EPB41L3: variants seen among roughly 807,000 people sequenced by gnomAD.
EPB41L3 encodes band 4.1-like protein 3.
A neutral mutation model predicts 127.1 loss-of-function variants in EPB41L3; 57 were observed. The ratio of observed to expected loss-of-function variants is 0.45; its 90% CI spans 0.36 to 0.56. The LOEUF (loss-of-function observed/expected upper bound fraction) is 0.56, where lower values mean the gene tolerates loss of function less well. EPB41L3 is among the 20% of genes least tolerant of loss of function. EPB41L3 has a pLI of 0.00. For synonymous variants in EPB41L3, 572 were observed against 549.5 expected, an observed-to-expected ratio of 1.04 and a Z score of -0.57; for missense variants, 1,273 against 1,372.2, an observed-to-expected ratio of 0.93 and a Z score of 1.14.
At chr18:5,474,139 G>A (rs1420815309) in intron 3 of EPB41L3, among the ~76,000 whole-genome samples, 3 of 152,122 alleles carry the variant, frequency 2.0e-5, no homozygotes, top group South Asian at 2.1e-4. Context: ...GCTGAGGCAG[G>A]AGAATGGCGT....
At chr18:5,463,456 C>G (rs939807211) in intron 3 of EPB41L3, among the ~76,000 whole-genome samples, 6 of 152,120 alleles carry the variant, frequency 3.9e-5, no homozygotes, top group Non-Finnish European at 7.4e-5. Context: ...AGGACATTAT[C>G]CATGCGGGTT....
intron 16 of EPB41L3, among the ~76,000 whole-genome samples, chr18:5,401,483 C>A (rs187996194): frequency 6.6e-6 from 1 of 151,776 alleles, no homozygotes; most frequent in East Asian, 1.9e-4. Flanking sequence ...TATTGTATTC[C>A]CCATTTAGGT....
intron 3 of EPB41L3, among the ~76,000 whole-genome samples, chr18:5,580,509 T>C (rs1253263933): frequency 6.6e-6 from 1 of 152,192 alleles, no homozygotes; most frequent in Non-Finnish European, 1.5e-5. Context: ...CACATGTATA[T>C]ATACATATTC....
chr18:5,398,095 T>A lies in EPB41L3; in HGVS notation c.2398A>T (p.Ser800Cys). 1.2e-6 allele frequency: 2 copies of A among 1,614,090 alleles called. No individual in the cohort carries two copies. Among genetic ancestry groups the A allele is most frequent in the Non-Finnish European group, 1.7e-6 (2 of 1,180,010 alleles). Residue 800 changes from serine to cysteine, a missense_variant, in exon 17 of 23, where the codon AGT (serine) becomes TGT (cysteine). Physicochemically the swap from Ser to Cys is moderately radical, Grantham distance 112. Coordinates refer to ENST00000341928, the MANE Select transcript of EPB41L3 (RefSeq NM_012307.5). ...GGTTTTCGCGCAGACTCTAATAAACTGAAGATTTCAGAGCCATCCATGAGC... is the reference window on the plus strand; with the variant it reads ...GGTTTTCGCGCAGACTCTAATAAACAGAAGATTTCAGAGCCATCCATGAGC... The part of the protein sequence containing the change: ...EKLMDGSEIF[S>C]LLESARKPTE...
At chr18:5,458,551 C>G (rs1212774820) in intron 3 of EPB41L3, among the ~76,000 whole-genome samples, 1 of 152,158 alleles carries the variant, frequency 6.6e-6, no homozygotes, top group Non-Finnish European at 1.5e-5. Context: ...GACAGCAGTT[C>G]TGGGCATGGT....
At chr18:5,457,176 G>GC (rs2083229647) in intron 3 of EPB41L3, among the ~76,000 whole-genome samples, 1 of 74,002 alleles carries the variant, frequency 1.4e-5, no homozygotes, top group African/African-American at 3.4e-5. Context: ...TTTCCTGTAA[G>GC]CAACAACTCT....
chr18:5,433,375 C>A, intron 8 of EPB41L3, 94 bp downstream of exon 8: 1 of 847,096 alleles, frequency 1.2e-6, no homozygotes. Flanking sequence ...GTTTCATTTA[C>A]ATTAACTGAA....
chr18:5,406,811 T>A lies in EPB41L3; in HGVS notation c.2315A>T (p.Asp772Val). The change falls in exon 16 of 23, where the codon GAT (aspartate) becomes GTT (valine). Residue 772 changes from aspartate (D) to valine (V), a missense_variant. Around this residue, in one of 3 missense-constraint regions of EPB41L3, gnomAD observed 765 missense variants for 782.9 expected, o/e 0.98. Transcript: ENST00000341928. Reference sequence around the variant, plus strand: ...GACAAGTGGTTCGATCATGGGGGCATCCTCCTGCCTGGCGGCCAGTCGCAC... The same window carrying A: ...GACAAGTGGTTCGATCATGGGGGCAACCTCCTGCCTGGCGGCCAGTCGCAC... ...SPVRLAARQE[D>V]APMIEPLVPE... The A allele has an allele frequency of 6.2e-7, 1 of 1,614,148 alleles. No individual in the cohort carries two copies. The highest frequency in any genetic ancestry group is 8.5e-7 in the Non-Finnish European group (1 of 1,179,998).
intron 5 of EPB41L3, among the ~76,000 whole-genome samples, chr18:5,442,453 A>T (rs1449295320): frequency 6.6e-6 from 1 of 152,144 alleles, no homozygotes; most frequent in Non-Finnish European, 1.5e-5. Flanking sequence ...TCTTTCTGGG[A>T]TATTACCTAG....
chr18:5,595,385 C>T (rs1010015055), intron 3 of EPB41L3, among the ~76,000 whole-genome samples: 3 of 152,104 alleles, frequency 2.0e-5, no homozygotes, highest in South Asian at 2.1e-4. Context: ...GGGCTGTGCA[C>T]GCCCTCCCCA....
chr18:5,498,771 G>T (rs1598351299), intron 1 of EPB41L3, among the ~76,000 whole-genome samples: 1 of 151,944 alleles, frequency 6.6e-6, no homozygotes, highest in East Asian at 1.9e-4. Flanking sequence ...ATGTTAAACC[G>T]AATCCTGGAA....
intron 3 of EPB41L3, among the ~76,000 whole-genome samples, chr18:5,561,057 A>G (rs1263734509): frequency 6.8e-6 from 1 of 146,760 alleles, no homozygotes; most frequent in Non-Finnish European, 1.5e-5. Flanking sequence ...GGCTCACTGC[A>G]AGCTCCGCCT....
intron 3 of EPB41L3, among the ~76,000 whole-genome samples, chr18:5,601,378 T>G (rs1406532331): frequency 2.0e-5 from 3 of 152,194 alleles, no homozygotes; most frequent in Non-Finnish European, 4.4e-5. Flanking sequence ...ATCCCAGGGC[T>G]GGCTTTGCAA....
chr18:5,403,833 T>C lies in EPB41L3; in HGVS notation c.2349+2944A>G, dbSNP rs1469711477. Reference sequence around the variant, plus strand: ...AGAGTAATATCAAATTAGTAACTTATTTTAAAAAATATCCCCTCCAAAATA... The same window carrying C: ...AGAGTAATATCAAATTAGTAACTTACTTTAAAAAATATCCCCTCCAAAATA... On this transcript the variant is annotated intron_variant, in intron 16 of 22. Transcript: ENST00000341928. 4.6e-5 allele frequency among the ~76,000 whole-genome samples: 7 copies of C among 152,302 alleles called. No individual in the cohort carries two copies. In the South Asian group the frequency reaches 1.5e-3, roughly 32 times the overall value.
chr18:5,478,333 A>G lies in EPB41L3; in HGVS notation c.289T>C (p.Ser97Pro). The G allele has an allele frequency of 6.2e-7, 1 of 1,614,124 alleles. No homozygotes were observed. Among genetic ancestry groups the G allele is most frequent in the Admixed American group, 1.7e-5 (1 of 60,032 alleles). The change falls in exon 3 of 23, where the codon TCT (serine) becomes CCT (proline). Residue 97 changes from serine (S) to proline (P), a missense_variant. Physicochemically the swap from Ser to Pro is moderately conservative, Grantham distance 74 (BLOSUM62 -1). Around this residue, in one of 3 missense-constraint regions of EPB41L3, gnomAD observed 182 missense variants for 149.2 expected, o/e 1.22. Coordinates refer to ENST00000341928, the MANE Select transcript of EPB41L3 (RefSeq NM_012307.5). Reference protein sequence around the residue: ...LSQKSSSSKLSRSPLKIVKKP... With the variant: ...LSQKSSSSKLPRSPLKIVKKP... ...TTGACAATCTTTAATGGAGACCGAGAGAGTTTACTGCTAGATGATTTCTGA... is the reference window on the plus strand; with the variant it reads ...TTGACAATCTTTAATGGAGACCGAGGGAGTTTACTGCTAGATGATTTCTGA...
chr18:5,449,939 A>G lies in EPB41L3; in HGVS notation c.382-4695T>C, dbSNP rs79068200. On this transcript the variant is annotated intron_variant, in intron 3 of 22. Transcript: ENST00000341928. ...GATAGTAAGATAGAATAATTACAAA[A>G]TATACTGTAATAAAAGTTATGTGAG... 8.2e-3 allele frequency among the ~76,000 whole-genome samples: 1,246 copies of G among 152,352 alleles called. 11 individuals are homozygous for G. The highest frequency in any genetic ancestry group is 0.027 in the African/African-American group (1,124 of 41,574).
intron 7 of EPB41L3, 64 bp from the exon 8 acceptor site, chr18:5,433,620 C>T: frequency 7.2e-7 from 1 of 1,379,908 alleles, no homozygotes; most frequent in Non-Finnish European, 1.0e-6. Context: ...GCAATATTTC[C>T]CACTTAGTTC....
chr18:5,406,079 C>T (rs1279861305), intron 16 of EPB41L3, among the ~76,000 whole-genome samples: 1 of 151,802 alleles, frequency 6.6e-6, no homozygotes, highest in Non-Finnish European at 1.5e-5. Flanking sequence ...GGCAAAACCC[C>T]GTCTCTATTA....
intron 1 of EPB41L3, among the ~76,000 whole-genome samples, chr18:5,504,998 G>A (rs77377782): frequency 3.6e-3 from 542 of 152,162 alleles, no homozygotes; most frequent in African/African-American, 0.011. Flanking sequence ...TTCAAAGCTC[G>A]CTCCAACACC....
Sources: gnomAD v4.1 joint callset for allele counts (sites outside exome capture counted in the v4.1 genomes callset) on GRCh38, gnomAD v4.1.1 for gene constraint, gnomAD v4.1.1 regional missense constraint, MANE v1.5 for transcripts, NCBI Gene and HGNC (gene_info 2026-07-23, HGNC 2026-07-21) for gene names.